The following CTNNA3 variants were observed in gnomAD, a reference collection of about 807,000 sequenced individuals.
CTNNA3 encodes catenin alpha-3.
A neutral mutation model predicts 95.7 loss-of-function variants in CTNNA3; 76 were observed. The observed-to-expected ratio is 0.79, with a 90% CI of 0.66 to 0.96. The LOEUF is 0.96. Ranked by LOEUF, CTNNA3 falls within the 40% of genes least tolerant of loss-of-function variation. The pLI, the probability that CTNNA3 is intolerant of heterozygous loss-of-function variation, is 0.00. For missense variants in CTNNA3, 1,191 were observed against 1,089.8 expected (o/e 1.09, Z -1.31); for synonymous variants, 431 against 374.4 (o/e 1.15, Z -1.74).
At chr10:67,615,657 CTTTTTTTTTTTTTTT>C (rs746378840) in intron 2 of CTNNA3, among the ~76,000 whole-genome samples, 1 of 102,168 alleles carries the variant, frequency 9.8e-6, no homozygotes, top group Non-Finnish European at 1.8e-5. Flanking sequence ...GGCAGGTATT[CTTTTTTTTTTTTTTT>C]TTTTTTTTGA....
At chr10:67,344,170 C>A (rs1265252512) in intron 5 of CTNNA3, among the ~76,000 whole-genome samples, 1 of 151,888 alleles carries the variant, frequency 6.6e-6, no homozygotes, top group East Asian at 1.9e-4. Context: ...ACCATCCTTG[C>A]ATCCCAGGGA....
At chr10:66,848,977 G>A (rs1843379888) in intron 7 of CTNNA3, among the ~76,000 whole-genome samples, 1 of 152,124 alleles carries the variant, frequency 6.6e-6, no homozygotes, top group African/African-American at 2.4e-5. Context: ...AGAAAATTGA[G>A]GAAAGAATGA....
intron 1 of CTNNA3, among the ~76,000 whole-genome samples, chr10:67,730,243 A>G (rs568274813): frequency 1.3e-5 from 2 of 152,218 alleles, no homozygotes; most frequent in East Asian, 3.9e-4. Flanking sequence ...GATTACTTTT[A>G]ACTAGATCAG....
intron 10 of CTNNA3, among the ~76,000 whole-genome samples, chr10:66,562,960 T>A (rs969927244): frequency 6.6e-6 from 1 of 152,020 alleles, no homozygotes; most frequent in Non-Finnish European, 1.5e-5. Context: ...TTCGTGAAAA[T>A]ATGTAATATA....
chr10:66,653,885 G>A (rs7894879), intron 9 of CTNNA3, among the ~76,000 whole-genome samples: 8,199 of 152,060 alleles, frequency 0.054, 743 homozygotes, highest in African/African-American at 0.19. Context: ...TTTTGTTGGG[G>A]AAAATGGATA....
intron 17 of CTNNA3, among the ~76,000 whole-genome samples, chr10:65,942,576 A>G (rs375445692): frequency 6.6e-6 from 1 of 152,230 alleles, no homozygotes. Context: ...GCACATACAA[A>G]TTTATTTTCA....
chr10:67,621,110 C>T (rs1052786951), intron 2 of CTNNA3, among the ~76,000 whole-genome samples: 1 of 151,904 alleles, frequency 6.6e-6, no homozygotes. Flanking sequence ...ATGGTAATCA[C>T]CTGGGAGCTT....
At chr10:66,418,587 G>C (rs34923835) in intron 11 of CTNNA3, among the ~76,000 whole-genome samples, 59,467 of 138,840 alleles carry the variant, frequency 0.43, 12,687 homozygotes, top group East Asian at 0.63. Context: ...ACACACAGAG[G>C]TATAGGTCAA....
At chr10:66,583,622 G>A (rs140973401) in intron 10 of CTNNA3, among the ~76,000 whole-genome samples, 120 of 151,304 alleles carry the variant, frequency 7.9e-4, no homozygotes, top group African/African-American at 2.8e-3. Flanking sequence ...TTATCTTTTT[G>A]AAGGAGCTAT....
chr10:66,425,892 A>C (rs12252714), intron 11 of CTNNA3, among the ~76,000 whole-genome samples: 62,509 of 151,848 alleles, frequency 0.41, 13,919 homozygotes, highest in East Asian at 0.6. Context: ...CGTTCCCCAT[A>C]CAGACCCACT....
intron 15 of CTNNA3, among the ~76,000 whole-genome samples, chr10:66,029,427 G>A (rs1360188793): frequency 1.3e-5 from 2 of 151,872 alleles, no homozygotes; most frequent in South Asian, 2.1e-4. Context: ...ACACTTCCCA[G>A]GTAGGATTTC....
intron 9 of CTNNA3, among the ~76,000 whole-genome samples, chr10:66,703,008 T>C (rs2132578439): frequency 6.6e-6 from 1 of 152,260 alleles, no homozygotes; most frequent in South Asian, 2.1e-4. Context: ...TGGAATCTCA[T>C]TATTGATGTT....
chr10:66,957,403 T>TATATGCATATATATATATGC (rs1554886319), intron 7 of CTNNA3, among the ~76,000 whole-genome samples: 1 of 33,822 alleles, frequency 3.0e-5, no homozygotes, highest in Non-Finnish European at 5.3e-5. Context: ...CATATATATA[T>TATATGCATATATATATATGC]ATATATATAT....
At position 66,487,181 on chromosome 10, in the gene CTNNA3, A is replaced by ATTTTTTTTTTTTTTTTTT. The variant is rs60547696; in HGVS notation, c.1531+33418_1531+33435dup. 4.4e-5 allele frequency among the ~76,000 whole-genome samples: 2 copies of ATTTTTTTTTTTTTTTTTT among 45,946 alleles called. 1 individual carries two copies. Among genetic ancestry groups the ATTTTTTTTTTTTTTTTTT allele is most frequent in the African/African-American group, 1.8e-4 (2 of 11,088 alleles). The allele number at this position is 45,946 out of a possible 152,430, so 30.1% of individuals were successfully genotyped here. On this transcript the variant is annotated intron_variant, in intron 11 of 17. Transcript: ENST00000433211. Reference sequence around the variant, plus strand: ...TACTTGAAATTTAATAAAAGGGCAGATTTTTTTTTTTTTTTTTTTTTTTTT... The same window carrying ATTTTTTTTTTTTTTTTTT: ...TACTTGAAATTTAATAAAAGGGCAGATTTTTTTTTTTTTTTTTTTTTTTTTTTTTTTTTTTTTTTTTTT...
chr10:66,711,678 A>G (rs780585909), intron 9 of CTNNA3, among the ~76,000 whole-genome samples: 1 of 151,960 alleles, frequency 6.6e-6, no homozygotes, highest in African/African-American at 2.4e-5. Context: ...CCTCCTGAGT[A>G]GCTGGGATTA....
chr10:66,075,170 A>G (rs2080526056), intron 14 of CTNNA3, among the ~76,000 whole-genome samples: 3 of 151,864 alleles, frequency 2.0e-5, no homozygotes, highest in East Asian at 1.9e-4. Context: ...TAATTGTACT[A>G]TGCTCATTAC....
At chr10:67,388,675 C>T (rs1169559585) in intron 5 of CTNNA3, among the ~76,000 whole-genome samples, 1 of 151,248 alleles carries the variant, frequency 6.6e-6, no homozygotes, top group African/African-American at 2.4e-5. Flanking sequence ...GTCGGGTTAC[C>T]CTCAAAGGGA....
intron 13 of CTNNA3, among the ~76,000 whole-genome samples, chr10:66,203,406 T>G (rs1457337617): frequency 1.3e-5 from 2 of 152,160 alleles, no homozygotes; most frequent in African/African-American, 2.4e-5. Flanking sequence ...TGAATAGTGA[T>G]AAGCCCAGAT....
At chr10:67,348,613 G>A (rs1054461009) in intron 5 of CTNNA3, among the ~76,000 whole-genome samples, 1 of 152,082 alleles carries the variant, frequency 6.6e-6, no homozygotes, top group Non-Finnish European at 1.5e-5. Context: ...GAGACAGAGG[G>A]AGGAGGTGCC....
Sources: allele counts gnomAD v4.1 joint callset (sites outside exome capture counted in the v4.1 genomes callset), GRCh38; gene constraint gnomAD v4.1.1; transcripts MANE v1.5; gene names NCBI Gene and HGNC (gene_info 2026-07-23, HGNC 2026-07-21).